The following KLHL32 variants were observed in gnomAD, a reference collection of about 807,000 sequenced individuals.
KLHL32 encodes the protein kelch like family member 32, also known as kelch-like protein 32.
Under a neutral mutation model 64.8 loss-of-function variants are expected in KLHL32, and 35 were observed. The ratio of observed to expected loss-of-function variants is 0.54; its 90% CI spans 0.41 to 0.72. The LOEUF is 0.72. KLHL32 is among the 30% of genes least tolerant of loss of function. The pLI, the probability that KLHL32 is intolerant of heterozygous loss-of-function variation, is 0.00. For missense variants in KLHL32, 589 were observed against 768.5 expected (o/e 0.77, Z 2.76); for synonymous variants, 259 against 281.0 (o/e 0.92, Z 0.78).
At position 97,140,054 on chromosome 6, in the gene KLHL32, T is replaced by C. The variant is rs545676231; in HGVS notation, c.*772T>C. 4.6e-5 allele frequency: 7 copies of C among 152,280 alleles called. No individual in the cohort carries two copies. Among genetic ancestry groups the C allele is most frequent in the African/African-American group, 1.7e-4 (7 of 41,586 alleles). The allele number at this position is 152,280 out of a possible 1,614,324, so 9.4% of individuals were successfully genotyped here. On this transcript the variant is annotated 3_prime_UTR_variant, in exon 11 of 11. Transcript: ENST00000369261. ...AAATTATAAGGTATTTTATTGTCTT[T>C]AGAACCTTGTAATTGAACAGGGAGA...
intron 8 of KLHL32, among the ~76,000 whole-genome samples, chr6:97,129,149 G>T (rs571711492): frequency 6.6e-6 from 1 of 152,286 alleles, no homozygotes; most frequent in East Asian, 1.9e-4. Flanking sequence ...TTCTTTTCTT[G>T]AGTGTATCTT....
At chr6:97,052,861 A>C (rs566162061) in intron 4 of KLHL32, among the ~76,000 whole-genome samples, 15 of 152,298 alleles carry the variant, frequency 9.8e-5, no homozygotes, top group South Asian at 2.1e-4. Flanking sequence ...TATAATATAA[A>C]CTTCTGATGG....
chr6:97,024,394 G>A (rs1468816286), intron 3 of KLHL32, among the ~76,000 whole-genome samples: 4 of 142,938 alleles, frequency 2.8e-5, no homozygotes, highest in Non-Finnish European at 1.5e-5. Flanking sequence ...GTGGGTTTTT[G>A]TTGTTGCTTT....
intron 6 of KLHL32, among the ~76,000 whole-genome samples, chr6:97,089,056 T>G (rs1308553424): frequency 2.0e-5 from 3 of 152,234 alleles, no homozygotes; most frequent in Non-Finnish European, 4.4e-5. Context: ...CCCATCAGTA[T>G]GTACTGAGCA....
At chr6:96,931,258 G>GGGAA (rs1769848389) in intron 1 of KLHL32, among the ~76,000 whole-genome samples, 1 of 152,090 alleles carries the variant, frequency 6.6e-6, no homozygotes, top group African/African-American at 2.4e-5. Flanking sequence ...GTTCCCACCA[G>GGGAA]CAACTCCTTC....
At chr6:96,940,015 TGA>T (rs1771092535) in intron 1 of KLHL32, among the ~76,000 whole-genome samples, 1 of 152,128 alleles carries the variant, frequency 6.6e-6, no homozygotes, top group Non-Finnish European at 1.5e-5. Context: ...AAGAGAAACC[TGA>T]TGACTCCTAC....
the KLHL32 span, among the ~76,000 whole-genome samples, chr6:96,902,538 G>A: frequency 6.6e-6 from 1 of 152,120 alleles, no homozygotes; most frequent in Non-Finnish European, 1.5e-5. Flanking sequence ...CATTCTGTAG[G>A]TTGTCTGTTT....
chr6:97,026,390 T>C (rs968407691), intron 3 of KLHL32, among the ~76,000 whole-genome samples: 2 of 152,014 alleles, frequency 1.3e-5, no homozygotes, highest in Admixed American at 6.6e-5. Flanking sequence ...AAAAATTAAC[T>C]CGAACATTTG....
rs545629981 is a variant in KLHL32, at chr6:97,130,317, A to T, written c.1414-440A>T. The stretch of plus-strand genomic sequence containing the variant: ...AGAGATATTAAGTAAATTGCTCAAG[A>T]TCACATACAAGTTATAAACCCAGGT... On this transcript the variant is annotated intron_variant, in intron 8 of 10. Transcript: ENST00000369261. 2.1e-4 allele frequency among the ~76,000 whole-genome samples: 32 copies of T among 152,338 alleles called. No individual in the cohort carries two copies. In the South Asian group the frequency reaches 6.6e-3, roughly 32 times the overall value.
At chr6:97,008,795 T>G (rs1369050711) in intron 3 of KLHL32, among the ~76,000 whole-genome samples, 1 of 152,114 alleles carries the variant, frequency 6.6e-6, no homozygotes, top group Non-Finnish European at 1.5e-5. Context: ...TATGTCTTCC[T>G]TCCATCCACT....
intron 6 of KLHL32, among the ~76,000 whole-genome samples, chr6:97,087,657 T>C (rs754681177): frequency 4.6e-5 from 7 of 152,198 alleles, no homozygotes; most frequent in Non-Finnish European, 1.0e-4. Context: ...TTGATTAATA[T>C]GTGCAACCAG....
intron 5 of KLHL32, among the ~76,000 whole-genome samples, chr6:97,072,819 C>A (rs1478685800): frequency 6.6e-6 from 1 of 152,136 alleles, no homozygotes; most frequent in Non-Finnish European, 1.5e-5. Flanking sequence ...TAATTATGGG[C>A]AATCTTCTGG....
At chr6:97,042,510 AAAT>A (rs1362770429) in intron 4 of KLHL32, among the ~76,000 whole-genome samples, 2 of 152,314 alleles carry the variant, frequency 1.3e-5, no homozygotes, top group South Asian at 2.1e-4. Flanking sequence ...CTTAATTAGC[AAAT>A]AATAATTGTA....
chr6:97,022,614 C>T (rs745360272), intron 3 of KLHL32, among the ~76,000 whole-genome samples: 61 of 147,284 alleles, frequency 4.1e-4, no homozygotes, highest in East Asian at 5.8e-4. Context: ...GGATTACAGG[C>T]GCCTGCCACC....
chr6:97,009,350 AT>A (rs1342154259), intron 3 of KLHL32, among the ~76,000 whole-genome samples: 1 of 151,984 alleles, frequency 6.6e-6, no homozygotes, highest in Non-Finnish European at 1.5e-5. Context: ...TTTTGAAATA[AT>A]TTTTCGCAAG....
chr6:97,122,502 C>T (rs1043114932), intron 7 of KLHL32, among the ~76,000 whole-genome samples: 3 of 152,010 alleles, frequency 2.0e-5, no homozygotes, highest in Non-Finnish European at 4.4e-5. Flanking sequence ...ATAAATGTTC[C>T]TATGGTATTA....
chr6:97,072,542 A>G (rs74385757), intron 5 of KLHL32, among the ~76,000 whole-genome samples: 3 of 145,046 alleles, frequency 2.1e-5, no homozygotes, highest in African/African-American at 7.7e-5. Flanking sequence ...TGTCTTTATT[A>G]TGAAATGTGC....
At chr6:97,009,508 T>C (rs1450462420) in intron 3 of KLHL32, among the ~76,000 whole-genome samples, 1 of 152,198 alleles carries the variant, frequency 6.6e-6, no homozygotes, top group Non-Finnish European at 1.5e-5. Context: ...TGTATAAATG[T>C]ACTTTGAAAT....
intron 4 of KLHL32, chr6:97,062,619 AC>A (rs1443102342): frequency 5.9e-5 from 9 of 152,172 alleles, no homozygotes; most frequent in African/African-American, 2.2e-4. Flanking sequence ...TGAATAAAAA[AC>A]ATGTGTAGAG....
Sources: gnomAD v4.1 joint callset for allele counts (sites outside exome capture counted in the v4.1 genomes callset) on GRCh38, gnomAD v4.1.1 for gene constraint, MANE v1.5 for transcripts, NCBI Gene and HGNC (gene_info 2026-07-23, HGNC 2026-07-21) for gene names.